Variants in KCNQ5 observed in about 807,000 individuals in gnomAD.
KCNQ5 encodes the protein potassium voltage-gated channel subfamily Q member 5, also known as potassium voltage-gated channel subfamily KQT member 5.
KCNQ5 carries 30 observed loss-of-function variants against 98.2 expected under a neutral mutation model. The ratio of observed to expected loss-of-function variants is 0.31; its 90% CI spans 0.23 to 0.41. The LOEUF (loss-of-function observed/expected upper bound fraction) is 0.41. KCNQ5 is among the 10% of genes least tolerant of loss of function. The pLI is 1.00. For missense variants in KCNQ5, 835 were observed against 1,182.5 expected (o/e 0.71, Z 4.31); for synonymous variants, 458 against 449.4 (o/e 1.02, Z -0.24).
intron 1 of KCNQ5, among the ~76,000 whole-genome samples, chr6:72,945,310 A>T (rs112833429): frequency 0.052 from 7,914 of 151,900 alleles, 694 homozygotes; most frequent in African/African-American, 0.18. Context: ...CGTGCACGTT[A>T]GTTACATATG....
At chr6:72,857,434 T>G (rs1777578841) in intron 1 of KCNQ5, among the ~76,000 whole-genome samples, 1 of 152,188 alleles carries the variant, frequency 6.6e-6, no homozygotes. Flanking sequence ...TGGTCCCATT[T>G]TACTGTGCAA....
At chr6:72,672,275 T>A (rs529141181) in intron 1 of KCNQ5, among the ~76,000 whole-genome samples, 3 of 152,060 alleles carry the variant, frequency 2.0e-5, no homozygotes, top group East Asian at 1.9e-4. Flanking sequence ...TTTTTGTAAT[T>A]TTTGTAGAGA....
At chr6:73,009,430 C>T (rs1266769145) in intron 2 of KCNQ5, among the ~76,000 whole-genome samples, 1 of 151,972 alleles carries the variant, frequency 6.6e-6, no homozygotes, top group African/African-American at 2.4e-5. Context: ...TAAATGCTTA[C>T]ATTAAAAAAA....
intron 1 of KCNQ5, among the ~76,000 whole-genome samples, chr6:72,759,965 T>G (rs1278106596): frequency 3.9e-5 from 6 of 151,990 alleles, no homozygotes; most frequent in African/African-American, 1.4e-4. Flanking sequence ...ATAGATAAGA[T>G]GTGCAAATGA....
intron 1 of KCNQ5, among the ~76,000 whole-genome samples, chr6:72,654,396 C>T (rs191895328): frequency 5.5e-4 from 84 of 151,906 alleles, no homozygotes; most frequent in South Asian, 3.3e-3. Flanking sequence ...TACTGTGGGC[C>T]GATACTATGT....
At chr6:72,631,988 T>C (rs1022725205) in intron 1 of KCNQ5, among the ~76,000 whole-genome samples, 4 of 152,198 alleles carry the variant, frequency 2.6e-5, no homozygotes, top group Non-Finnish European at 5.9e-5. Flanking sequence ...GGGGGAGGTT[T>C]AGTAACCTGT....
chr6:72,891,254 A>G (rs1387770650), intron 1 of KCNQ5, among the ~76,000 whole-genome samples: 2 of 152,244 alleles, frequency 1.3e-5, no homozygotes, highest in Non-Finnish European at 2.9e-5. Context: ...AGATTTCAGT[A>G]AAGTAGTTGA....
chr6:73,102,221 A>C (rs1774807021), intron 5 of KCNQ5, among the ~76,000 whole-genome samples: 1 of 152,136 alleles, frequency 6.6e-6, no homozygotes, highest in Non-Finnish European at 1.5e-5. Context: ...TTAGACCCCT[A>C]TCCCTTGCCA....
rs1238510800 is a variant in KCNQ5 at position 73,196,424 on chromosome 6, G to T, written c.*1010G>T. On this transcript the variant is annotated 3_prime_UTR_variant, in exon 14 of 14. Coordinates refer to ENST00000370398, the MANE Select transcript of KCNQ5 (RefSeq NM_019842.4). Reference sequence around the variant, plus strand: ...GGAAGTTGGCAAAGTAAAAGAAAATGACTTCCCCCTCAAAGGGCAATGAGA... The same window carrying T: ...GGAAGTTGGCAAAGTAAAAGAAAATTACTTCCCCCTCAAAGGGCAATGAGA... 1 of 152,146 alleles carries T rather than the reference G, an allele frequency of 6.6e-6. No individual in the cohort carries two copies. The highest frequency in any genetic ancestry group is 2.4e-5 in the African/African-American group (1 of 41,438). 9.4% of individuals were successfully genotyped at this position (152,146 alleles called of 1,614,324 possible).
intron 1 of KCNQ5, among the ~76,000 whole-genome samples, chr6:72,955,979 T>G (rs1168259757): frequency 6.6e-6 from 1 of 152,080 alleles, no homozygotes; most frequent in Admixed American, 6.6e-5. Flanking sequence ...AGGCCAACCT[T>G]AAAATATCCC....
chr6:73,133,913 T>C (rs1298202905), intron 10 of KCNQ5: 2 of 573,656 alleles, frequency 3.5e-6, no homozygotes, highest in Admixed American at 4.4e-5. Context: ...TACAAATTTA[T>C]TTCTCAGACA....
intron 1 of KCNQ5, among the ~76,000 whole-genome samples, chr6:72,766,132 A>G (rs1378141531): frequency 6.6e-6 from 1 of 151,980 alleles, no homozygotes; most frequent in Non-Finnish European, 1.5e-5. Context: ...GCTCATACCT[A>G]AATGAAGAGA....
chr6:73,125,435 G>T (rs1178475439), intron 9 of KCNQ5: 8 of 518,328 alleles, frequency 1.5e-5, no homozygotes, highest in African/African-American at 3.9e-5. Flanking sequence ...AATCCCAGGT[G>T]CCTGGAAAGG....
intron 1 of KCNQ5, among the ~76,000 whole-genome samples, chr6:72,878,986 T>A (rs923443471): frequency 5.9e-4 from 90 of 152,220 alleles, no homozygotes; most frequent in African/African-American, 2.1e-3. Context: ...GTTATAGTCA[T>A]ATTTTGGATA....
chr6:72,650,643 G>T (rs1341661738), intron 1 of KCNQ5, among the ~76,000 whole-genome samples: 1 of 152,090 alleles, frequency 6.6e-6, no homozygotes. Flanking sequence ...TCTTAGTAGT[G>T]GGGGAGTGGG....
At chr6:72,746,461 AG>A (rs1429562647) in intron 1 of KCNQ5, among the ~76,000 whole-genome samples, 1 of 152,152 alleles carries the variant, frequency 6.6e-6, no homozygotes, top group Non-Finnish European at 1.5e-5. Flanking sequence ...CAGGGTAGAC[AG>A]GCTAGTGATC....
chr6:73,106,470 A>G (rs1775005576), intron 6 of KCNQ5, among the ~76,000 whole-genome samples: 1 of 152,198 alleles, frequency 6.6e-6, no homozygotes, highest in African/African-American at 2.4e-5. Context: ...CACAGTTCCC[A>G]AGACTGGACG....
At chr6:72,671,770 G>A (rs1767118891) in intron 1 of KCNQ5, among the ~76,000 whole-genome samples, 1 of 152,046 alleles carries the variant, frequency 6.6e-6, no homozygotes, top group African/African-American at 2.4e-5. Flanking sequence ...GGTGGTATAT[G>A]TATACACATA....
chr6:72,700,580 AAT>A (rs1768753072), intron 1 of KCNQ5, among the ~76,000 whole-genome samples: 1 of 152,204 alleles, frequency 6.6e-6, no homozygotes, highest in Admixed American at 6.5e-5. Context: ...AAACTAGTAA[AAT>A]AGTACAATAA....
Sources: allele counts gnomAD v4.1 joint callset (sites outside exome capture counted in the v4.1 genomes callset), GRCh38; gene constraint gnomAD v4.1.1; transcripts MANE v1.5; gene names NCBI Gene and HGNC (gene_info 2026-07-23, HGNC 2026-07-21).